Variants in SUGCT observed in about 807,000 individuals in gnomAD.
SUGCT encodes succinyl-CoA:glutarate CoA-transferase.
SUGCT carries 41 observed loss-of-function variants against 55.0 expected under a neutral mutation model. That is an observed-to-expected ratio of 0.74 (90% confidence interval 0.58 to 0.97). The LOEUF (loss-of-function observed/expected upper bound fraction) is 0.97, where lower values mean the gene tolerates loss of function less well. Among genes scored for constraint, SUGCT ranks in the 50% least tolerant of loss-of-function variants. SUGCT has a pLI of 0.00. For missense variants in SUGCT, 568 were observed against 547.8 expected (o/e 1.04, Z -0.37); for synonymous variants, 187 against 200.4 (o/e 0.93, Z 0.56).
chr7:40,812,356 T>A (rs1289735939), intron 13 of SUGCT, among the ~76,000 whole-genome samples: 2 of 152,152 alleles, frequency 1.3e-5, no homozygotes, highest in Non-Finnish European at 2.9e-5. Context: ...GGTCTGGGGC[T>A]TTTTCTGATT....
intron 13 of SUGCT, among the ~76,000 whole-genome samples, chr7:40,832,553 G>A (rs1231657598): frequency 7.5e-6 from 1 of 133,580 alleles, no homozygotes; most frequent in African/African-American, 2.8e-5. Flanking sequence ...GTTTTCCAGG[G>A]TTTTTTTTGT....
intron 9 of SUGCT, among the ~76,000 whole-genome samples, chr7:40,357,964 C>A (rs1797959351): frequency 6.6e-6 from 1 of 152,046 alleles, no homozygotes; most frequent in Admixed American, 6.5e-5. Flanking sequence ...GTCAAAGACA[C>A]CAAAAAATAG....
chr7:40,477,639 G>A (rs898548689), intron 11 of SUGCT, among the ~76,000 whole-genome samples: 4 of 152,144 alleles, frequency 2.6e-5, no homozygotes, highest in Admixed American at 2.6e-4. Flanking sequence ...TTTATGCATG[G>A]AAGGCAGCAA....
intron 1 of SUGCT, among the ~76,000 whole-genome samples, chr7:40,172,731 G>C (rs1274393489): frequency 6.6e-6 from 1 of 152,110 alleles, no homozygotes; most frequent in Non-Finnish European, 1.5e-5. Flanking sequence ...TCTCTAGTCA[G>C]CCCTCAGCTT....
intron 13 of SUGCT, among the ~76,000 whole-genome samples, chr7:40,767,155 C>G (rs1788842123): frequency 6.6e-6 from 1 of 152,114 alleles, no homozygotes; most frequent in African/African-American, 2.4e-5. Flanking sequence ...ACTTAAACCA[C>G]AACACTAAAA....
At chr7:40,239,833 T>G (rs912755537) in intron 7 of SUGCT, among the ~76,000 whole-genome samples, 1 of 152,364 alleles carries the variant, frequency 6.6e-6, no homozygotes, top group East Asian at 1.9e-4. Context: ...TTAAGTAAGC[T>G]TAACTCTCAC....
downstream of SUGCT, among the ~76,000 whole-genome samples, chr7:40,861,428 G>A (rs1241503165): frequency 1.3e-5 from 2 of 152,168 alleles, no homozygotes; most frequent in Admixed American, 1.3e-4. Flanking sequence ...CCTGTGTCCA[G>A]TAGGTGAGAA....
the SUGCT span, among the ~76,000 whole-genome samples, chr7:40,877,399 C>T: frequency 3.3e-5 from 5 of 152,254 alleles, no homozygotes; most frequent in East Asian, 9.7e-4. Context: ...TTAGACTTCA[C>T]CAGTGTAAAC....
At chr7:40,186,789 G>T (rs1421350744) in intron 3 of SUGCT, among the ~76,000 whole-genome samples, 1 of 152,166 alleles carries the variant, frequency 6.6e-6, no homozygotes, top group Non-Finnish European at 1.5e-5. Flanking sequence ...CGAGGCCAGG[G>T]CTGTTGGTCT....
chr7:40,218,477 G>A (rs2150816436), intron 6 of SUGCT, among the ~76,000 whole-genome samples: 1 of 152,286 alleles, frequency 6.6e-6, no homozygotes. Context: ...GAAGCCAGCT[G>A]GGCTTCTGGG....
chr7:40,749,609 A>G, intron 13 of SUGCT, 112 bp downstream of exon 13: 1 of 811,794 alleles, frequency 1.2e-6, no homozygotes, highest in Non-Finnish European at 2.1e-6. Flanking sequence ...ACATTATCCA[A>G]ATTTATAACA....
intron 1 of SUGCT, among the ~76,000 whole-genome samples, chr7:40,149,387 G>A (rs1173396491): frequency 1.3e-5 from 2 of 152,280 alleles, no homozygotes; most frequent in African/African-American, 2.4e-5. Flanking sequence ...TTAGTTTATA[G>A]TTCATAGTTT....
At chr7:40,496,167 A>C in intron 11 of SUGCT, 117 bp from the exon 12 acceptor site, 2 of 645,370 alleles carry the variant, frequency 3.1e-6, no homozygotes, top group South Asian at 4.3e-5. Flanking sequence ...GGTGTAAAGA[A>C]AGACTAGGAA....
intron 13 of SUGCT, among the ~76,000 whole-genome samples, chr7:40,852,301 C>T (rs982736271): frequency 6.6e-6 from 1 of 152,122 alleles, no homozygotes; most frequent in South Asian, 2.1e-4. Flanking sequence ...ACTAGGATAC[C>T]TCTCAAAAAC....
intron 10 of SUGCT, among the ~76,000 whole-genome samples, chr7:40,457,320 T>C (rs1789542404): frequency 6.6e-6 from 1 of 152,072 alleles, no homozygotes; most frequent in East Asian, 1.9e-4. Context: ...TGCGCATGCC[T>C]GTAATCGCAG....
At chr7:40,512,744 A>T (rs937663514) in intron 12 of SUGCT, among the ~76,000 whole-genome samples, 1 of 152,114 alleles carries the variant, frequency 6.6e-6, no homozygotes, top group Non-Finnish European at 1.5e-5. Context: ...TAACTGGCAT[A>T]GAAATGGTAA....
chr7:40,741,720 T>G (rs1462783073), intron 12 of SUGCT, among the ~76,000 whole-genome samples: 1 of 152,220 alleles, frequency 6.6e-6, no homozygotes, highest in Non-Finnish European at 1.5e-5. Context: ...TATGGAGTAT[T>G]TATACAATGG....
intron 7 of SUGCT, among the ~76,000 whole-genome samples, chr7:40,251,948 C>A (rs1377941286): frequency 6.0e-5 from 9 of 149,944 alleles, no homozygotes; most frequent in African/African-American, 2.2e-4. Flanking sequence ...AAAAAAAAAA[C>A]AAAGAAATAA....
chr7:40,865,923 C>T, the SUGCT span, among the ~76,000 whole-genome samples: 1 of 152,180 alleles, frequency 6.6e-6, no homozygotes, highest in African/African-American at 2.4e-5. Flanking sequence ...AAACACTTTG[C>T]CACATCGCTC....
Sources: allele counts gnomAD v4.1 joint callset (sites outside exome capture counted in the v4.1 genomes callset), GRCh38; gene constraint gnomAD v4.1.1; transcripts MANE v1.5; gene names NCBI Gene and HGNC (gene_info 2026-07-23, HGNC 2026-07-21).